The following ATIC variants were observed in gnomAD, a reference collection of about 807,000 sequenced individuals.
ATIC encodes bifunctional purine biosynthesis protein ATIC.
Under a neutral mutation model 72.5 loss-of-function variants are expected in ATIC, and 64 were observed. The observed-to-expected ratio is 0.88, with a 90% CI of 0.72 to 1.09. ATIC has a LOEUF of 1.09. ATIC is among the 50% of genes least tolerant of loss of function. The pLI, the probability that ATIC is intolerant of heterozygous loss-of-function variation, is 0.00. For synonymous variants in ATIC, 281 were observed against 267.1 expected (o/e 1.05, Z -0.51); for missense variants, 787 against 732.4 (o/e 1.07, Z -0.86).
chr2:215,341,126 C>T (rs1177584151), intron 12 of ATIC, among the ~76,000 whole-genome samples: 4 of 152,112 alleles, frequency 2.6e-5, no homozygotes, highest in Admixed American at 2.6e-4. Context: ...AAGCATACGA[C>T]GATTAACATA....
chr2:215,364,872 G>C, the ATIC span: 2 of 1,544,318 alleles, frequency 1.3e-6, no homozygotes. Flanking sequence ...GGCACATCCA[G>C]TCTTACCCGC....
intron 10 of ATIC, 60 bp downstream of exon 10, chr2:215,335,064 T>TG: frequency 8.0e-7 from 1 of 1,242,302 alleles, no homozygotes; most frequent in South Asian, 1.3e-5. Flanking sequence ...TTGTTCATAA[T>TG]GTTAATTGAA....
At chr2:215,366,731 A>G in the ATIC span, among the ~76,000 whole-genome samples, 3 of 152,240 alleles carry the variant, frequency 2.0e-5, no homozygotes, top group Non-Finnish European at 4.4e-5. Flanking sequence ...AACAAAGATT[A>G]TGTAAGTTGA....
At chr2:215,339,659 G>A (rs1015130400) in intron 12 of ATIC, among the ~76,000 whole-genome samples, 1 of 152,094 alleles carries the variant, frequency 6.6e-6, no homozygotes, top group South Asian at 2.1e-4. Context: ...TTCTGAGACA[G>A]AGTCTTGCTC....
intron 11 of ATIC, among the ~76,000 whole-genome samples, chr2:215,337,631 T>C (rs1242175626): frequency 6.6e-6 from 1 of 152,224 alleles, no homozygotes; most frequent in Non-Finnish European, 1.5e-5. Flanking sequence ...CCTCCCAAAG[T>C]GTTGGGATTA....
intron 7 of ATIC, among the ~76,000 whole-genome samples, chr2:215,327,428 T>G (rs1402527377): frequency 6.6e-6 from 1 of 152,210 alleles, no homozygotes; most frequent in African/African-American, 2.4e-5. Flanking sequence ...CTTGGAATAT[T>G]GGATCTAGAA....
chr2:215,364,515 C>T, the ATIC span: 8 of 342,062 alleles, frequency 2.3e-5, no homozygotes, highest in Admixed American at 2.9e-4. Flanking sequence ...TGAATAGTAT[C>T]TCTGCTTCAC....
intron 4 of ATIC, among the ~76,000 whole-genome samples, chr2:215,323,746 G>A (rs970105674): frequency 6.6e-6 from 1 of 152,176 alleles, no homozygotes; most frequent in Non-Finnish European, 1.5e-5. Context: ...ACAGTGTTCA[G>A]TAGAAGTGGT....
chr2:215,325,785 C>T (rs1217343437), intron 5 of ATIC, among the ~76,000 whole-genome samples: 7 of 152,058 alleles, frequency 4.6e-5, no homozygotes, highest in African/African-American at 1.2e-4. Context: ...AGAGTGGTCT[C>T]GAACTCCTGA....
At chr2:215,335,896 A>G (rs1272372028) in intron 10 of ATIC, 139 bp from the exon 11 acceptor site, 3 of 662,428 alleles carry the variant, frequency 4.5e-6, no homozygotes, top group South Asian at 1.9e-5. Context: ...CTTTTCAAGT[A>G]TAGCGTTAGC....
chr2:215,359,386 CA>C, the ATIC span, among the ~76,000 whole-genome samples: 2 of 152,210 alleles, frequency 1.3e-5, no homozygotes, highest in East Asian at 1.9e-4. Context: ...ACATGTGTCT[CA>C]GGGGGTTGTC....
intron 9 of ATIC, among the ~76,000 whole-genome samples, chr2:215,334,325 C>T (rs2052931649): frequency 1.3e-5 from 2 of 150,958 alleles, no homozygotes; most frequent in South Asian, 2.1e-4. Flanking sequence ...TCCTGAGTAG[C>T]TGGGATTACA....
At chr2:215,346,991 C>A in intron 14 of ATIC, 50 bp downstream of exon 14, 1 of 1,581,272 alleles carries the variant, frequency 6.3e-7, no homozygotes, top group South Asian at 1.1e-5. Flanking sequence ...TCAGTTCAAC[C>A]CTTTATGTGT....
the ATIC span, chr2:215,362,364 C>T: frequency 2.3e-6 from 1 of 429,596 alleles, no homozygotes; most frequent in Non-Finnish European, 4.3e-6. Context: ...AGGCTCATTC[C>T]AATCCCAACT....
At chr2:215,332,170 G>A (rs1305831698) in intron 7 of ATIC, among the ~76,000 whole-genome samples, 4 of 133,094 alleles carry the variant, frequency 3.0e-5, no homozygotes, top group Non-Finnish European at 4.9e-5. Context: ...GTGTGTGTGT[G>A]TGTGTTCATG....
At chr2:215,324,433 T>C (rs1257392887) in intron 4 of ATIC, among the ~76,000 whole-genome samples, 1 of 152,200 alleles carries the variant, frequency 6.6e-6, no homozygotes, top group African/African-American at 2.4e-5. Context: ...AGTGTTTTGT[T>C]GAGAGTTTTT....
intron 12 of ATIC, among the ~76,000 whole-genome samples, chr2:215,340,373 A>T (rs777953778): frequency 2.6e-5 from 4 of 152,074 alleles, no homozygotes; most frequent in Non-Finnish European, 5.9e-5. Flanking sequence ...TATTTTTTGG[A>T]GTATCTTAAT....
At chr2:215,334,056 A>G (rs2052927037) in intron 9 of ATIC, among the ~76,000 whole-genome samples, 1 of 146,062 alleles carries the variant, frequency 6.8e-6, no homozygotes, top group African/African-American at 2.5e-5. Flanking sequence ...AAAAAAAAGT[A>G]TTTGTTAGTA....
At chr2:215,344,931 C>A in intron 13 of ATIC, 60 bp downstream of exon 13, 1 of 1,501,492 alleles carries the variant, frequency 6.7e-7, no homozygotes, top group Non-Finnish European at 9.2e-7. Context: ...GATATTTAAA[C>A]ATCCGTCTGC....
Sources: allele counts gnomAD v4.1 joint callset (sites outside exome capture counted in the v4.1 genomes callset), GRCh38; gene constraint gnomAD v4.1.1; transcripts MANE v1.5; gene names NCBI Gene and HGNC (gene_info 2026-07-23, HGNC 2026-07-21).